Variants in HLCS observed in about 807,000 individuals in gnomAD.
HLCS encodes the protein biotin--protein ligase.
Under a neutral mutation model 75.0 loss-of-function variants are expected in HLCS, and 53 were observed. The ratio of observed to expected loss-of-function variants is 0.71; its 90% CI spans 0.57 to 0.89. The LOEUF (loss-of-function observed/expected upper bound fraction) is 0.89. HLCS is among the 40% of genes least tolerant of loss of function. The pLI is 0.00. For synonymous variants in HLCS, 431 were observed against 428.6 expected, an observed-to-expected ratio of 1.01 and a Z score of -0.07; for missense variants, 966 against 1,074.0, an observed-to-expected ratio of 0.90 and a Z score of 1.41.
chr21:36,828,045 C>T (rs1333846563), intron 6 of HLCS, among the ~76,000 whole-genome samples: 1 of 152,084 alleles, frequency 6.6e-6, no homozygotes, highest in Non-Finnish European at 1.5e-5. Context: ...GATCTCCTGA[C>T]CTCGTGATCT....
intron 6 of HLCS, among the ~76,000 whole-genome samples, chr21:36,809,950 G>C (rs13053024): frequency 6.6e-6 from 1 of 152,198 alleles, no homozygotes; most frequent in East Asian, 1.9e-4. Context: ...TGTTGCCCAG[G>C]CTGGTCTCAG....
chr21:36,948,306 A>G (rs2067504696), intron 2 of HLCS: 1 of 152,008 alleles, frequency 6.6e-6, no homozygotes, highest in Non-Finnish European at 1.5e-5. Flanking sequence ...AAAAAAAAAA[A>G]AAAGAATTTG....
chr21:36,887,096 C>T (rs915162215), intron 6 of HLCS, among the ~76,000 whole-genome samples: 1 of 149,522 alleles, frequency 6.7e-6, no homozygotes, highest in African/African-American at 2.5e-5. Context: ...TGCCACTGCA[C>T]TCCAGCCTGG....
intron 2 of HLCS, chr21:36,947,766 C>G: frequency 1.0e-6 from 1 of 985,512 alleles, no homozygotes; most frequent in Non-Finnish European, 1.2e-6. Context: ...CCAGGTTAAA[C>G]TAGCACAGGT....
At chr21:36,986,121 C>A (rs976075095) in intron 1 of HLCS, among the ~76,000 whole-genome samples, 2 of 152,052 alleles carry the variant, frequency 1.3e-5, no homozygotes, top group Non-Finnish European at 2.9e-5. Flanking sequence ...GCTGTTATTG[C>A]GGGAGTGGGC....
At chr21:36,919,671 T>C (rs922735098) in intron 5 of HLCS, among the ~76,000 whole-genome samples, 1 of 152,240 alleles carries the variant, frequency 6.6e-6, no homozygotes, top group Non-Finnish European at 1.5e-5. Context: ...CACAATTTCT[T>C]TGTAAATCTG....
rs35275580 is a variant in HLCS, at chr21:36,965,731, ATTTT to A, written c.195+709_195+712del. 4.9e-5 allele frequency among the ~76,000 whole-genome samples: 7 copies of A among 142,012 alleles called. No individual in the cohort carries two copies. In the South Asian group the frequency reaches 1.5e-3, roughly 31 times the overall value. The allele number at this position is 142,012 out of a possible 152,430, so 93.2% of individuals were successfully genotyped here. ...CACAGGTGGGAGTTTTTTGTTTGGG[ATTTT>A]TTTTTTTTTTTCTTAAGACAGGGTC... On this transcript the variant is annotated intron_variant, in intron 1 of 10. Transcript: ENST00000674895.
rs542137366 is a variant in HLCS, at chr21:36,783,104, C to G, written c.1893-15819G>C. 8.5e-5 allele frequency among the ~76,000 whole-genome samples: 13 copies of G among 152,242 alleles called. No homozygotes were observed. In the South Asian group the frequency reaches 2.7e-3, roughly 32 times the overall value. ...TGCCTCAGTCTTTGCTAGGAGCTAC[C>G]CACCTCAACAAGCATGGGTTCCTGG... On this transcript the variant is annotated intron_variant, in intron 6 of 10. Coordinates refer to ENST00000674895, the MANE Select transcript of HLCS (RefSeq NM_001352514.2).
At chr21:36,754,658 C>A (rs747015352) in intron 10 of HLCS, among the ~76,000 whole-genome samples, 9 of 152,190 alleles carry the variant, frequency 5.9e-5, no homozygotes, top group Non-Finnish European at 1.2e-4. Context: ...TTTCTTCACA[C>A]AACGTCACTC....
At chr21:36,979,993 C>T (rs1338489175) in intron 1 of HLCS, among the ~76,000 whole-genome samples, 2 of 141,480 alleles carry the variant, frequency 1.4e-5, no homozygotes, top group Non-Finnish European at 3.0e-5. Context: ...GCCACTTGTA[C>T]TCCAGCCTGG....
At chr21:36,987,189 G>A (rs1361252336) in intron 1 of HLCS, among the ~76,000 whole-genome samples, 1 of 152,170 alleles carries the variant, frequency 6.6e-6, no homozygotes, top group South Asian at 2.1e-4. Context: ...TCTCCTAGGA[G>A]CTCTGACTCC....
chr21:36,917,951 A>T (rs929374008), intron 5 of HLCS, among the ~76,000 whole-genome samples: 2 of 55,684 alleles, frequency 3.6e-5, no homozygotes, highest in Admixed American at 1.7e-4. Flanking sequence ...CTCTTGCATT[A>T]AAAAAAAAAA....
intron 6 of HLCS, among the ~76,000 whole-genome samples, chr21:36,843,612 T>C (rs1174270501): frequency 2.6e-5 from 4 of 152,222 alleles, no homozygotes; most frequent in Admixed American, 6.5e-5. Context: ...CTACTAATCT[T>C]AGTGAATTCA....
intron 9 of HLCS, among the ~76,000 whole-genome samples, chr21:36,758,272 A>G (rs1404623404): frequency 1.3e-5 from 2 of 151,632 alleles, no homozygotes; most frequent in Non-Finnish European, 2.9e-5. Context: ...ACGCCCAGCT[A>G]ATTTTTTGTA....
rs1006706807 is a variant in HLCS, at chr21:36,888,034, T to C, written c.1892+8826A>G. 1.2e-4 allele frequency among the ~76,000 whole-genome samples: 18 copies of C among 152,294 alleles called. No homozygotes were observed. The East Asian group carries it at 3.1e-3, about 26-fold the overall frequency. Reference sequence around the variant, plus strand: ...CAATCTATTCACTTCGCCTCCAGAATCAATTTTTCAAACTTTATGACAGGT... The same window carrying C: ...CAATCTATTCACTTCGCCTCCAGAACCAATTTTTCAAACTTTATGACAGGT... On this transcript the variant is annotated intron_variant, in intron 6 of 10. Transcript: ENST00000674895.
intron 6 of HLCS, among the ~76,000 whole-genome samples, chr21:36,790,701 A>T (rs2060835679): frequency 6.6e-6 from 1 of 152,190 alleles, no homozygotes. Flanking sequence ...GAATGCTCCA[A>T]TCTGGGCTGT....
At chr21:36,853,833 T>A (rs1354557703) in intron 6 of HLCS, among the ~76,000 whole-genome samples, 1 of 152,156 alleles carries the variant, frequency 6.6e-6, no homozygotes, top group Non-Finnish European at 1.5e-5. Flanking sequence ...ATATAACTTG[T>A]AAACATTTCA....
intron 2 of HLCS, chr21:36,944,131 G>A (rs2067273923): frequency 6.6e-6 from 1 of 151,502 alleles, no homozygotes; most frequent in Non-Finnish European, 1.5e-5. Context: ...AGAGACATCA[G>A]ACACAAAAGG....
chr21:36,964,085 C>T (rs1014550314), intron 1 of HLCS, among the ~76,000 whole-genome samples: 2 of 152,082 alleles, frequency 1.3e-5, no homozygotes. Context: ...ATTAGCCAGG[C>T]GTGGTGGCTC....
Sources: gnomAD v4.1 joint callset for allele counts (sites outside exome capture counted in the v4.1 genomes callset) on GRCh38, gnomAD v4.1.1 for gene constraint, MANE v1.5 for transcripts, NCBI Gene and HGNC (gene_info 2026-07-23, HGNC 2026-07-21) for gene names.